The following ABCC8 variants were observed in gnomAD, a reference collection of about 807,000 sequenced individuals.
The protein encoded by ABCC8 is ATP-binding cassette sub-family C member 8.
In ABCC8, 137 loss-of-function variants were observed where a neutral mutation model predicts 188.0. That is an observed-to-expected ratio of 0.73 (90% CI 0.63 to 0.84). The LOEUF is 0.84. ABCC8 is among the 40% of genes least tolerant of loss of function. ABCC8 has a pLI of 0.00. For synonymous variants in ABCC8, 797 were observed against 846.5 expected (o/e 0.94, Z 1.01); for missense variants, 1,750 against 2,072.7 (o/e 0.84, Z 3.02).
At chr11:17,439,437 CA>C (rs1365984593) in intron 10 of ABCC8, among the ~76,000 whole-genome samples, 1 of 152,110 alleles carries the variant, frequency 6.6e-6, no homozygotes, top group Non-Finnish European at 1.5e-5. Context: ...AGACTGGCGC[CA>C]GGGGTCAGAA....
At chr11:17,437,409 G>A (rs900331580) in intron 10 of ABCC8, among the ~76,000 whole-genome samples, 10 of 144,590 alleles carry the variant, frequency 6.9e-5, no homozygotes, top group Non-Finnish European at 1.2e-4. Context: ...CAGAAGTTAC[G>A]TGTCAGAGAG....
chr11:17,396,884 C>A (rs1953957004), intron 33 of ABCC8, 32 bp downstream of exon 33: 2 of 1,612,100 alleles, frequency 1.2e-6, no homozygotes, highest in Non-Finnish European at 1.7e-6. Context: ...TCACGCCTGT[C>A]CTGCAGCATT....
At chr11:17,405,427 C>A in intron 27 of ABCC8, 67 bp downstream of exon 27, 2 of 1,610,290 alleles carry the variant, frequency 1.2e-6, no homozygotes, top group South Asian at 1.1e-5. Flanking sequence ...CAGCCTCAGA[C>A]AGGAGAAGCC....
intron 3 of ABCC8, 102 bp downstream of exon 3, chr11:17,469,999 C>G: frequency 2.1e-6 from 3 of 1,462,554 alleles, no homozygotes; most frequent in South Asian, 1.2e-5. Flanking sequence ...TATTCCAAAT[C>G]TCTACTGTTT....
Position 17,447,140 on chromosome 11 carries a change from C to T in ABCC8, c.1332+1376G>A, listed in dbSNP as rs1224104595. On this transcript the variant is annotated intron_variant, in intron 8 of 38. Coordinates refer to ENST00000389817, the MANE Select transcript of ABCC8 (RefSeq NM_000352.6). ...TTGAATCAGCCTGTCTCACCCAAGT[C>T]ACTTTCTGCTACATCAAGCTCTCCC... Among the ~76,000 whole-genome samples, 4 of 152,342 alleles carry T rather than the reference C, an allele frequency of 2.6e-5. No homozygotes were observed. In the East Asian group the frequency reaches 7.7e-4, roughly 29 times the overall value.
intron 29 of ABCC8, among the ~76,000 whole-genome samples, chr11:17,398,740 C>T (rs1280513446): frequency 6.6e-6 from 1 of 152,190 alleles, no homozygotes; most frequent in Admixed American, 6.5e-5. Context: ...ACCCAGGAAT[C>T]ACCTGGATTC....
chr11:17,450,320 T>TCTC (rs1564959472), intron 7 of ABCC8, among the ~76,000 whole-genome samples: 4 of 105,994 alleles, frequency 3.8e-5, no homozygotes, highest in African/African-American at 1.3e-4. Flanking sequence ...CTTTCTTTCT[T>TCTC]TCTTTCTCTC....
At chr11:17,446,243 G>A (rs1218285910) in intron 8 of ABCC8, among the ~76,000 whole-genome samples, 1 of 152,126 alleles carries the variant, frequency 6.6e-6, no homozygotes, top group Non-Finnish European at 1.5e-5. Context: ...TGGGATTACA[G>A]GAGCGAGCCA....
chr11:17,435,561 G>A (rs1399051116), intron 10 of ABCC8: 2 of 1,318,418 alleles, frequency 1.5e-6, no homozygotes, highest in Non-Finnish European at 2.2e-6. Flanking sequence ...AAGCACAAAA[G>A]GATTTAAACA....
At chr11:17,468,824 A>C (rs1367308812) in intron 3 of ABCC8, among the ~76,000 whole-genome samples, 2 of 152,210 alleles carry the variant, frequency 1.3e-5, no homozygotes, top group Non-Finnish European at 2.9e-5. Flanking sequence ...AATGAATGTA[A>C]GGAACATGGC....
At chr11:17,459,977 T>A (rs1346903118) in intron 6 of ABCC8, among the ~76,000 whole-genome samples, 1 of 152,200 alleles carries the variant, frequency 6.6e-6, no homozygotes, top group Non-Finnish European at 1.5e-5. Flanking sequence ...TACGGGCAGC[T>A]TTGAATGAAA....
chr11:17,475,151 C>A (rs1848692009), intron 1 of ABCC8, 124 bp from the exon 2 acceptor site: 4 of 1,436,040 alleles, frequency 2.8e-6, no homozygotes, highest in Non-Finnish European at 3.8e-6. Flanking sequence ...ACATGAGGAT[C>A]CCCAAGGCTG....
rs1210628924 is a variant in ABCC8 at position 17,398,375 on chromosome 11, G to A, written c.3717C>T (p.Phe1239=). 2.5e-6 allele frequency: 4 copies of A among 1,614,184 alleles called. No homozygotes were observed. Among genetic ancestry groups the A allele is most frequent in the Non-Finnish European group, 3.4e-6 (4 of 1,180,014 alleles). ...YTDSNNIASL[F]LTAANRWLEV... ...CCAGCCATCTGTTGGCAGCTGTGAG[G>A]AAGAGGGAAGCAATGTTGTTGGAGT... Residue 1239 remains phenylalanine (F), a synonymous_variant, in exon 30 of 39, where the codon TTC becomes TTT. Transcript: ENST00000389817.
At chr11:17,408,669 G>C (rs1035958967) in intron 22 of ABCC8, 152 bp from the exon 23 acceptor site, 42 of 1,270,594 alleles carry the variant, frequency 3.3e-5, no homozygotes, top group Non-Finnish European at 4.4e-5. Flanking sequence ...GGCTGGTATT[G>C]ATAACCTACC....
At position 17,428,106 on chromosome 11, in the gene ABCC8, C is replaced by A. The variant is rs1374110830; in HGVS notation, c.2041-164G>T. ...TGGGAGACTGGCCTTCTCATGCTGA[C>A]CCTTGCCTAAGGCTGGGGGTCCCCC... is the stretch of plus-strand genomic sequence containing the variant. On this transcript the variant is annotated intron_variant, in intron 14 of 38. Coordinates refer to ENST00000389817, the MANE Select transcript of ABCC8 (RefSeq NM_000352.6). 2.5e-6 allele frequency: 4 copies of A among 1,574,108 alleles called. No individual in the cohort carries two copies. In the East Asian group the frequency reaches 9.0e-5, roughly 35 times the overall value.
intron 29 of ABCC8, among the ~76,000 whole-genome samples, chr11:17,400,038 T>C (rs1954156080): frequency 6.6e-6 from 1 of 152,188 alleles, no homozygotes; most frequent in South Asian, 2.1e-4. Context: ...AAAAGCTGCC[T>C]CATCATCGCT....
chr11:17,397,393 C>T (rs1953994995), intron 31 of ABCC8, 80 bp from the exon 32 acceptor site: 6 of 1,596,082 alleles, frequency 3.8e-6, no homozygotes, highest in Non-Finnish European at 5.1e-6. Context: ...CTTCTTAAGG[C>T]TGGAGAGGGG....
chr11:17,476,639 G>C lies in ABCC8; in HGVS notation c.138C>G (p.Ile46Met). Residue 46 changes from isoleucine (I) to methionine (M), a missense_variant, in exon 1 of 39, where the codon ATC (isoleucine) becomes ATG (methionine). By Grantham distance (10) the Ile-to-Met change is conservative. Coordinates refer to ENST00000389817, the MANE Select transcript of ABCC8 (RefSeq NM_000352.6). The stretch of plus-strand genomic sequence containing the variant: ...GCTGCGCGCACTCACCAATGAAGAG[G>C]ATGGGGAAGGTGATGAAGAGTAGGA... Reference protein sequence around the residue: ...HVFLLFITFPILFIGWGSQSS... With the variant: ...HVFLLFITFPMLFIGWGSQSS... 3.1e-6 allele frequency: 5 copies of C among 1,612,218 alleles called. No homozygotes were observed. Among genetic ancestry groups the C allele is most frequent in the Non-Finnish European group, 4.2e-6 (5 of 1,179,262 alleles).
At chr11:17,412,522 T>G in intron 21 of ABCC8, 144 bp downstream of exon 21, 1 of 1,220,792 alleles carries the variant, frequency 8.2e-7, no homozygotes, top group East Asian at 2.6e-5. Flanking sequence ...ATCACTAGGA[T>G]GATAAGGCAA....
Sources: allele counts gnomAD v4.1 joint callset (sites outside exome capture counted in the v4.1 genomes callset), GRCh38; gene constraint gnomAD v4.1.1; transcripts MANE v1.5; gene names NCBI Gene and HGNC (gene_info 2026-07-23, HGNC 2026-07-21).